STRN: variants seen among roughly 807,000 people sequenced by gnomAD.
STRN encodes the protein protein phosphatase 2 regulatory subunit B'''alpha.
A neutral mutation model predicts 96.3 loss-of-function variants in STRN; 53 were observed. The ratio of observed to expected loss-of-function variants is 0.55; its 90% CI spans 0.44 to 0.69. The LOEUF is 0.69. Ranked by LOEUF, STRN falls within the 30% of genes least tolerant of loss-of-function variation. STRN has a pLI of 0.00. For missense variants in STRN, 987 were observed against 963.9 expected, an observed-to-expected ratio of 1.02 and a Z score of -0.32; for synonymous variants, 428 against 355.9, an observed-to-expected ratio of 1.20 and a Z score of -2.28.
At position 36,842,230 on chromosome 2, in the gene STRN, A is replaced by T. The variant is rs1224346214; in HGVS notation, c.*7226T>A. Reference sequence around the variant, plus strand: ...AAAGTTTTCAGTTTGGGCATATTTAATTGTGGATGATGGGTTTCCCTACCA... The same window carrying T: ...AAAGTTTTCAGTTTGGGCATATTTATTTGTGGATGATGGGTTTCCCTACCA... On this transcript the variant is annotated 3_prime_UTR_variant, in exon 18 of 18. Transcript: ENST00000263918. 2 of 152,126 alleles carry T rather than the reference A, an allele frequency of 1.3e-5. No homozygotes were observed. Among genetic ancestry groups the T allele is most frequent in the African/African-American group, 4.8e-5 (2 of 41,412 alleles). 9.4% of individuals were successfully genotyped at this position (152,126 alleles called of 1,614,324 possible).
In STRN at chr2:36,934,732, A is replaced by T. The variant is rs189361409; in HGVS notation, c.235-9524T>A. 9.9e-5 allele frequency among the ~76,000 whole-genome samples: 15 copies of T among 152,204 alleles called. No individual in the cohort carries two copies. In the East Asian group the frequency reaches 2.7e-3, roughly 27 times the overall value. On this transcript the variant is annotated intron_variant, in intron 1 of 17. Coordinates refer to ENST00000263918, the MANE Select transcript of STRN (RefSeq NM_003162.4). ...TCGACAATCTGTTCCCATCCCCTCT[A>T]TCTAGTTTTGTCTTCCACATTCCTA... is the stretch of plus-strand genomic sequence containing the variant.
At chr2:36,893,528 C>A (rs1669457318) in intron 7 of STRN, among the ~76,000 whole-genome samples, 1 of 152,154 alleles carries the variant, frequency 6.6e-6, no homozygotes, top group Non-Finnish European at 1.5e-5. Context: ...ACTCATACTT[C>A]TTTTCGCATG....
At chr2:36,852,753 A>T (rs1668251622) in intron 15 of STRN, among the ~76,000 whole-genome samples, 1 of 152,236 alleles carries the variant, frequency 6.6e-6, no homozygotes. Flanking sequence ...AGCTAAAAAT[A>T]GTCTAATCTT....
Position 36,851,052 on chromosome 2 carries a change from G to A in STRN, c.2034C>T (p.Ile678=), listed in dbSNP as rs563858813. Reference sequence around the variant, plus strand: ...GCCTGTCTTCATGAGCAGTGATGCTGATCGGAAGAGTAGGATGACTGATGA... The same window carrying A: ...GCCTGTCTTCATGAGCAGTGATGCTAATCGGAAGAGTAGGATGACTGATGA... ...NRVISHPTLP[I]SITAHEDRHI... The change falls in exon 16 of 18, where the codon ATC becomes ATT. Residue 678 remains isoleucine (I), a synonymous_variant. Coordinates refer to ENST00000263918, the MANE Select transcript of STRN (RefSeq NM_003162.4). 101 of 1,613,766 alleles carry A rather than the reference G, an allele frequency of 6.3e-5. 1 individual carries two copies. The South Asian group carries it at 1.0e-3, about 16-fold the overall frequency.
intron 3 of STRN, among the ~76,000 whole-genome samples, chr2:36,914,912 T>C (rs1266033721): frequency 1.3e-5 from 2 of 152,046 alleles, no homozygotes; most frequent in African/African-American, 4.8e-5. Context: ...AAAGTGAATA[T>C]GCGGCCGGGC....
At chr2:36,935,143 A>T (rs1290296743) in intron 1 of STRN, among the ~76,000 whole-genome samples, 1 of 152,196 alleles carries the variant, frequency 6.6e-6, no homozygotes, top group African/African-American at 2.4e-5. Flanking sequence ...TAGTCTTCAG[A>T]TACTACACCT....
chr2:36,964,634 C>G (rs1665114768), intron 1 of STRN, among the ~76,000 whole-genome samples: 1 of 152,120 alleles, frequency 6.6e-6, no homozygotes, highest in African/African-American at 2.4e-5. Context: ...ATCATAGAAA[C>G]TACTGGTCAC....
chr2:36,873,043 T>C (rs1668805105), intron 10 of STRN, among the ~76,000 whole-genome samples: 1 of 104,950 alleles, frequency 9.5e-6, no homozygotes, highest in South Asian at 3.9e-4. Context: ...TACAAACTGA[T>C]GAACCTGCCA....
intron 1 of STRN, among the ~76,000 whole-genome samples, chr2:36,959,150 C>T (rs958540788): frequency 8.6e-5 from 13 of 152,000 alleles, no homozygotes; most frequent in Non-Finnish European, 1.6e-4. Context: ...TGTGACACAT[C>T]ATAATGAAAC....
intron 3 of STRN, among the ~76,000 whole-genome samples, chr2:36,909,447 T>G (rs1435641739): frequency 6.6e-6 from 1 of 152,026 alleles, no homozygotes; most frequent in African/African-American, 2.4e-5. Flanking sequence ...GAACCAACTA[T>G]AAAACAAAAC....
chr2:36,905,602 T>C lies in STRN; in HGVS notation c.429A>G (p.Thr143=). ...GGCTGTTTTGTTGTGGCTGCACTTCTGTTTCATTACCTTCATCTAGAAAAC... is the reference window on the plus strand; with the variant it reads ...GGCTGTTTTGTTGTGGCTGCACTTCCGTTTCATTACCTTCATCTAGAAAAC... ...PSYDSDEGNE[T]EVQPQQNSQL... The change falls in exon 4 of 18, where the codon ACA becomes ACG. Residue 143 remains threonine, a synonymous_variant. Transcript: ENST00000263918. 6.2e-7 allele frequency: 1 copy of C among 1,613,126 alleles called. No individual in the cohort carries two copies. The highest frequency in any genetic ancestry group is 8.5e-7 in the Non-Finnish European group (1 of 1,179,902).
intron 3 of STRN, among the ~76,000 whole-genome samples, chr2:36,914,104 C>T (rs150029207): frequency 0.011 from 1,735 of 152,230 alleles, 19 homozygotes; most frequent in Admixed American, 0.018. Flanking sequence ...ATCCTTTCAC[C>T]TCAGCCTCCC....
In STRN at chr2:36,949,067, T is replaced by A. The variant is rs566332290; in HGVS notation, c.234+17163A>T. On this transcript the variant is annotated intron_variant, in intron 1 of 17. Coordinates refer to ENST00000263918, the MANE Select transcript of STRN (RefSeq NM_003162.4). ...TATAACCATAAGGTTATACCATAAT[T>A]TGGCTGTACCTTCTCTACGTTTATG... Among the ~76,000 whole-genome samples the A allele has an allele frequency of 2.2e-4, 34 of 152,330 alleles. No individual in the cohort carries two copies. The South Asian group carries it at 5.6e-3, about 25-fold the overall frequency.
chr2:36,870,116 A>C (rs1214956730), intron 10 of STRN, among the ~76,000 whole-genome samples: 1 of 152,190 alleles, frequency 6.6e-6, no homozygotes, highest in Non-Finnish European at 1.5e-5. Context: ...ACATTTTAAA[A>C]TGTCATACTT....
intron 1 of STRN, among the ~76,000 whole-genome samples, chr2:36,954,481 C>T (rs1664833747): frequency 6.8e-6 from 1 of 147,422 alleles, no homozygotes; most frequent in Non-Finnish European, 1.5e-5. Context: ...CATTGTACTC[C>T]AGCCTGGGCG....
At chr2:36,883,860 C>A in intron 9 of STRN, 72 bp downstream of exon 9, 6 of 1,269,534 alleles carry the variant, frequency 4.7e-6, no homozygotes, top group South Asian at 3.3e-5. Flanking sequence ...ATAGGAGAGG[C>A]CTTTCTAATG....
At chr2:36,962,855 C>T (rs1009655735) in intron 1 of STRN, among the ~76,000 whole-genome samples, 1 of 152,222 alleles carries the variant, frequency 6.6e-6, no homozygotes. Flanking sequence ...AAATGATAAA[C>T]ACTCTGATTC....
At chr2:36,901,772 C>CATTTTAT (rs1669690139) in intron 5 of STRN, among the ~76,000 whole-genome samples, 1 of 152,102 alleles carries the variant, frequency 6.6e-6, no homozygotes, top group African/African-American at 2.4e-5. Flanking sequence ...TTTAAGGCTC[C>CATTTTAT]AAGGAACTTT....
intron 1 of STRN, among the ~76,000 whole-genome samples, chr2:36,957,131 G>C (rs1664907155): frequency 6.6e-6 from 1 of 152,172 alleles, no homozygotes; most frequent in African/African-American, 2.4e-5. Flanking sequence ...CCCCTCCAGA[G>C]TGGACAGTCT....
Sources: gnomAD v4.1 joint callset for allele counts (sites outside exome capture counted in the v4.1 genomes callset) on GRCh38, gnomAD v4.1.1 for gene constraint, MANE v1.5 for transcripts, NCBI Gene and HGNC (gene_info 2026-07-23, HGNC 2026-07-21) for gene names.